The following NBR1 variants were observed in gnomAD, a reference collection of about 807,000 sequenced individuals.
The protein encoded by NBR1 is next to BRCA1 gene 1 protein.
Under a neutral mutation model 115.5 loss-of-function variants are expected in NBR1, and 59 were observed. That is an observed-to-expected ratio of 0.51 (90% CI 0.41 to 0.63). The LOEUF is 0.63. Among genes scored for constraint, NBR1 ranks in the 30% least tolerant of loss-of-function variants. NBR1 has a pLI of 0.00. For missense variants in NBR1, 1,043 were observed against 1,150.5 expected (o/e 0.91, Z 1.35); for synonymous variants, 373 against 414.7 (o/e 0.90, Z 1.22).
intron 3 of NBR1, among the ~76,000 whole-genome samples, chr17:43,178,673 G>A (rs1452546651): frequency 6.6e-6 from 1 of 151,864 alleles, no homozygotes; most frequent in East Asian, 1.9e-4. Flanking sequence ...TACCACACCT[G>A]GCCAAGATAA....
intron 19 of NBR1, among the ~76,000 whole-genome samples, chr17:43,203,123 T>C (rs2057239835): frequency 6.6e-6 from 1 of 151,694 alleles, no homozygotes; most frequent in Non-Finnish European, 1.5e-5. Flanking sequence ...ACCATTGCAC[T>C]CCAGCCTGGC....
intron 12 of NBR1, 147 bp downstream of exon 12, chr17:43,193,785 G>A: frequency 2.3e-6 from 2 of 853,380 alleles, no homozygotes; most frequent in Non-Finnish European, 3.5e-6. Context: ...ACATCTCTAT[G>A]CTGATATTTG....
chr17:43,192,968 A>G (rs2056982919), intron 10 of NBR1, 126 bp from the exon 11 acceptor site: 1 of 855,744 alleles, frequency 1.2e-6, no homozygotes, highest in African/African-American at 1.7e-5. Flanking sequence ...TAATATCAGT[A>G]TTATTTTTAA....
At chr17:43,171,582 TGA>T (rs2056370978) in intron 1 of NBR1, among the ~76,000 whole-genome samples, 1 of 151,820 alleles carries the variant, frequency 6.6e-6, no homozygotes, top group South Asian at 2.1e-4. Flanking sequence ...GCAAAGAAAA[TGA>T]GAGAGCCCTC....
chr17:43,201,726 G>A lies in NBR1; in HGVS notation c.2509G>A (p.Asp837Asn), dbSNP rs1250097740. ...ACATCATCATGGTTCCCCAGGAGTGGATTTACCAGTTACCATACCAGAAGT... is the reference window on the plus strand; with the variant it reads ...ACATCATCATGGTTCCCCAGGAGTGAATTTACCAGTTACCATACCAGAAGT... Reference protein sequence around the residue: ...CVHHHGSPGVDLPVTIPEVSS... With the variant: ...CVHHHGSPGVNLPVTIPEVSS... The change falls in exon 18 of 21, where the codon GAT becomes AAT. Residue 837 changes from aspartate (D) to asparagine (N), a missense_variant. Asp to Asn is a conservative substitution (Grantham distance 23). Transcript: ENST00000590996. The A allele has an allele frequency of 2.1e-5, 33 of 1,609,250 alleles. No individual in the cohort carries two copies. Among genetic ancestry groups the A allele is most frequent in the Non-Finnish European group, 2.6e-5 (31 of 1,175,622 alleles).
In NBR1 at chr17:43,189,607, A is replaced by G; in HGVS notation, c.500A>G (p.Asn167Ser). Reference sequence around the variant, plus strand: ...TTCTAGTTCAGAGAACAAGTGGTTAACGAAACGGTTGAGAAGCTTGAACAG... The same window carrying G: ...TTCTAGTTCAGAGAACAAGTGGTTAGCGAAACGGTTGAGAAGCTTGAACAG... The part of the protein sequence containing the change: ...YLETFREQVV[N>S]ETVEKLEQKL... Residue 167 changes from asparagine (N) to serine (S), a missense_variant, in exon 8 of 21, where the codon AAC (asparagine) becomes AGC (serine). By Grantham distance (46) the Asn-to-Ser change is conservative (BLOSUM62 1). Transcript: ENST00000590996. 6.2e-7 allele frequency: 1 copy of G among 1,613,952 alleles called. No individual in the cohort carries two copies. Among genetic ancestry groups the G allele is most frequent in the Non-Finnish European group, 8.5e-7 (1 of 1,179,854 alleles).
At chr17:43,170,998 T>A (rs535147618), upstream of NBR1, 2 of 152,316 alleles carry the variant, frequency 1.3e-5, no homozygotes, top group South Asian at 4.1e-4. Context: ...GAAGGGGAAA[T>A]CCGCTCTGGC....
In NBR1 at chr17:43,191,463, C is replaced by A. The variant is rs2056944291; in HGVS notation, c.955C>A (p.Leu319Ile). The A allele has an allele frequency of 6.2e-7, 1 of 1,612,978 alleles. No individual in the cohort carries two copies. Among genetic ancestry groups the A allele is most frequent in the African/African-American group, 1.3e-5 (1 of 74,904 alleles). ...KKQRKAEVKE[L>I]KKQLKLHRKI... Reference sequence around the variant, plus strand: ...ACAACGTAAAGCAGAGGTCAAGGAACTTAAAAAGCAGCTTAAACTCCATAG... The same window carrying A: ...ACAACGTAAAGCAGAGGTCAAGGAAATTAAAAAGCAGCTTAAACTCCATAG... The change falls in exon 10 of 21, where the codon CTT becomes ATT. Residue 319 changes from leucine (L) to isoleucine (I), a missense_variant. Physicochemically the swap from Leu to Ile is conservative, Grantham distance 5. Coordinates refer to ENST00000590996, the MANE Select transcript of NBR1 (RefSeq NM_005899.5).
At position 43,177,324 on chromosome 17, in the gene NBR1, C is replaced by A. The variant is rs150473170; in HGVS notation, c.103-612C>A. Among the ~76,000 whole-genome samples, 1,060 of 138,012 alleles carry A rather than the reference C, an allele frequency of 7.7e-3. 19 individuals carry two copies. Among genetic ancestry groups the A allele is most frequent in the African/African-American group, 0.027 (1,021 of 37,514 alleles). The allele number at this position is 138,012 out of a possible 152,430, so 90.5% of individuals were successfully genotyped here. ...GTTTTTTTTTTTTCTTATCTTGAAACTTCAGGAGATATCCATCTATACACA... is the reference window on the plus strand; with the variant it reads ...GTTTTTTTTTTTTCTTATCTTGAAAATTCAGGAGATATCCATCTATACACA... On this transcript the variant is annotated intron_variant, in intron 2 of 20. Transcript: ENST00000590996.
In NBR1 at chr17:43,203,725, C is replaced by T. The variant is rs757795311; in HGVS notation, c.2666C>T (p.Ala889Val). The T allele has an allele frequency of 1.2e-6, 2 of 1,610,372 alleles. No individual in the cohort carries two copies. The highest frequency in any genetic ancestry group is 2.7e-5 in the African/African-American group (2 of 74,896). ...SSIAGGLVKG[A>V]LSVAASAYKA... ...ATTGCTGGAGGACTGGTGAAGGGGG[C>T]TTTGTCTGTTGCTGCCTCTGCATAC... The change falls in exon 20 of 21, where the codon GCT (alanine) becomes GTT (valine). Residue 889 changes from alanine to valine, a missense_variant. Ala to Val is a moderately conservative substitution (Grantham distance 64, BLOSUM62 0). Coordinates refer to ENST00000590996, the MANE Select transcript of NBR1 (RefSeq NM_005899.5).
chr17:43,190,745 C>T lies in NBR1; in HGVS notation c.832C>T (p.Pro278Ser), dbSNP rs760111113. Residue 278 changes from proline (P) to serine (S), a missense_variant, in exon 9 of 21, where the codon CCT (proline) becomes TCT (serine). By Grantham distance (74) the Pro-to-Ser change is moderately conservative. Transcript: ENST00000590996. ...EPFCHSKYST[P>S]RLPAALEQVR... The stretch of plus-strand genomic sequence containing the variant: ...GTTCTGTCACTCAAAGTACTCTACT[C>T]CTCGTCTTCCTGCTGCTCTGGAACA... 1.2e-6 allele frequency: 2 copies of T among 1,609,990 alleles called. No individual in the cohort carries two copies. Among genetic ancestry groups the T allele is most frequent in the Non-Finnish European group, 1.7e-6 (2 of 1,177,188 alleles).
intron 20 of NBR1, among the ~76,000 whole-genome samples, chr17:43,205,877 CAAAA>C (rs71361507): frequency 4.6e-3 from 270 of 58,680 alleles, no homozygotes; most frequent in Non-Finnish European, 7.3e-3. Flanking sequence ...GACCATGTCT[CAAAA>C]AAAAAAAAAA....
chr17:43,209,345 G>T (rs1012679554), intron 20 of NBR1, among the ~76,000 whole-genome samples: 2 of 152,066 alleles, frequency 1.3e-5, no homozygotes, highest in South Asian at 2.1e-4. Flanking sequence ...CAAAGTGCTG[G>T]GATTACAGGT....
chr17:43,210,406 T>C lies in NBR1; in HGVS notation c.*332T>C, dbSNP rs1347829157. 1.8e-5 allele frequency: 7 copies of C among 395,990 alleles called. No homozygotes were observed. The East Asian group carries it at 2.1e-4, about 12-fold the overall frequency. 24.5% of individuals were successfully genotyped at this position (395,990 alleles called of 1,614,324 possible). A position where few individuals can be genotyped will look rare whatever the true frequency, so the allele number is the denominator to read the frequency against. On this transcript the variant is annotated 3_prime_UTR_variant, in exon 21 of 21. Coordinates refer to ENST00000590996, the MANE Select transcript of NBR1 (RefSeq NM_005899.5). ...TTTATTGAAACTGAGTATTTTTCTT[T>C]GGCTAATGTGGATTTTTTATGGGGA... is the stretch of plus-strand genomic sequence containing the variant.
chr17:43,209,453 C>T (rs965657845), intron 20 of NBR1: 89 of 876,428 alleles, frequency 1.0e-4, no homozygotes, highest in Non-Finnish European at 1.5e-4. Flanking sequence ...TTTTTTTTGT[C>T]CAGCTCCTCT....
intron 20 of NBR1, among the ~76,000 whole-genome samples, chr17:43,208,216 A>G (rs1185436964): frequency 2.0e-5 from 3 of 152,240 alleles, no homozygotes; most frequent in African/African-American, 4.8e-5. Context: ...TAGGATACAT[A>G]AGACAAGAGG....
rs769919635 is a variant in NBR1, at chr17:43,193,358, T to G, written c.1244T>G (p.Met415Arg). Residue 415 changes from methionine (M) to arginine (R), a missense_variant, in exon 12 of 21, where the codon ATG becomes AGG. Physicochemically the swap from Met to Arg is moderately conservative, Grantham distance 91. Transcript: ENST00000590996. ...TACTGTTCTTTTCAGCTCAAGTTCATGTGGGGAAACCTGACTTTGGCTTCC... is the reference window on the plus strand; with the variant it reads ...TACTGTTCTTTTCAGCTCAAGTTCAGGTGGGGAAACCTGACTTTGGCTTCC... The part of the protein sequence containing the change: ...KWSADTKLKF[M>R]WGNLTLASTE... 6.8e-6 allele frequency: 11 copies of G among 1,613,734 alleles called. No homozygotes were observed. The highest frequency in any genetic ancestry group is 9.3e-6 in the Non-Finnish European group (11 of 1,179,656).
chr17:43,201,571 C>G (rs977146571), intron 17 of NBR1, 115 bp from the exon 18 acceptor site: 6 of 663,630 alleles, frequency 9.0e-6, no homozygotes, highest in East Asian at 2.7e-5. Context: ...TGATCTGGAT[C>G]AGAAATGTGA....
Position 43,193,659 on chromosome 17 carries a change from T to A in NBR1, c.1524+21T>A, listed in dbSNP as rs747019560. ...AAGAGGTGAGCATTGACTGACAGGC[T>A]TTGGCCTAGTATCCAAATCTTAGTT... On this transcript the variant is annotated intron_variant, in intron 12 of 20. Coordinates refer to ENST00000590996, the MANE Select transcript of NBR1 (RefSeq NM_005899.5). 8.8e-6 allele frequency: 14 copies of A among 1,588,918 alleles called. No homozygotes were observed. The South Asian group carries it at 1.5e-4, about 17-fold the overall frequency.
Sources: allele counts gnomAD v4.1 joint callset (sites outside exome capture counted in the v4.1 genomes callset), GRCh38; gene constraint gnomAD v4.1.1; transcripts MANE v1.5; gene names NCBI Gene and HGNC (gene_info 2026-07-23, HGNC 2026-07-21).